NUGGC: variants seen among roughly 807,000 people sequenced by gnomAD.
The protein encoded by NUGGC is nuclear GTPase, germinal center associated, also known as nuclear GTPase SLIP-GC.
In NUGGC, 58 loss-of-function variants were observed where a neutral mutation model predicts 92.6. The ratio of observed to expected loss-of-function variants is 0.63; its 90% CI spans 0.51 to 0.78. The LOEUF (loss-of-function observed/expected upper bound fraction) is 0.78, where lower values mean the gene tolerates loss of function less well. NUGGC is among the 30% of genes least tolerant of loss of function. The pLI is 0.00. For synonymous variants in NUGGC, 376 were observed against 366.4 expected (o/e 1.03, Z -0.30); for missense variants, 925 against 964.6 (o/e 0.96, Z 0.54).
intron 18 of NUGGC, among the ~76,000 whole-genome samples, chr8:28,024,706 C>T (rs2130051164): frequency 6.6e-6 from 1 of 152,246 alleles, no homozygotes; most frequent in Non-Finnish European, 1.5e-5. Context: ...GACTCATGAG[C>T]AGAGGGGAGT....
chr8:28,023,595 T>C (rs987116394), intron 18 of NUGGC, 133 bp from the exon 19 acceptor site: 16 of 873,526 alleles, frequency 1.8e-5, no homozygotes, highest in East Asian at 1.3e-4. Flanking sequence ...AGATCAGACA[T>C]CAAAGCAGGT....
chr8:28,072,675 A>G (rs1314661658), intron 2 of NUGGC, among the ~76,000 whole-genome samples: 1 of 152,174 alleles, frequency 6.6e-6, no homozygotes, highest in Non-Finnish European at 1.5e-5. Flanking sequence ...CTTTTTCTTC[A>G]ATTTCTAAAA....
At chr8:28,035,919 G>C (rs113791445) in intron 13 of NUGGC, among the ~76,000 whole-genome samples, 5,989 of 152,300 alleles carry the variant, frequency 0.039, 413 homozygotes, top group African/African-American at 0.14. Flanking sequence ...GTCTCTCTCT[G>C]TCACCCAGGC....
chr8:28,047,030 G>T (rs558647173), intron 11 of NUGGC, among the ~76,000 whole-genome samples: 3 of 151,680 alleles, frequency 2.0e-5, no homozygotes, highest in Admixed American at 1.3e-4. Context: ...TAGTGCAATG[G>T]CGCAATCTTG....
At chr8:28,070,820 A>G (rs377410401) in intron 2 of NUGGC, among the ~76,000 whole-genome samples, 2 of 148,796 alleles carry the variant, frequency 1.3e-5, no homozygotes, top group South Asian at 2.1e-4. Flanking sequence ...CTTACCAAAA[A>G]TATATATATA....
At chr8:28,041,266 C>A in intron 12 of NUGGC, 51 bp from the exon 13 acceptor site, 1 of 1,544,448 alleles carries the variant, frequency 6.5e-7, no homozygotes, top group South Asian at 1.2e-5. Context: ...CTAAGGGCAC[C>A]TTCTCCTGAA....
chr8:28,049,010 A>T (rs1020014866), intron 10 of NUGGC, among the ~76,000 whole-genome samples: 12 of 152,144 alleles, frequency 7.9e-5, no homozygotes, highest in Non-Finnish European at 1.6e-4. Flanking sequence ...TTAAAAAAAA[A>T]GAGAAAAACA....
At chr8:28,025,777 C>T (rs1294001949) in intron 18 of NUGGC, among the ~76,000 whole-genome samples, 1 of 152,128 alleles carries the variant, frequency 6.6e-6, no homozygotes, top group African/African-American at 2.4e-5. Flanking sequence ...CTACTTTCAC[C>T]CTGGCAAACT....
At chr8:28,078,032 A>G (rs777217015) in intron 1 of NUGGC, among the ~76,000 whole-genome samples, 1 of 152,210 alleles carries the variant, frequency 6.6e-6, no homozygotes, top group Admixed American at 6.5e-5. Flanking sequence ...TACTAAATCA[A>G]CAGTACACAG....
At position 28,033,657 on chromosome 8, in the gene NUGGC, G is replaced by A. The variant is rs773578525; in HGVS notation, c.1652C>T (p.Ala551Val). ...ATAGATGCCATTTTTCAGGCAAACA[G>A]CTTTCAGGGTCTGATGAAAACCTTG... ...GNQGFHQTLK[A>V]VCLKNGIYAS... The change falls in exon 14 of 19, where the codon GCT becomes GTT. Residue 551 changes from alanine (A) to valine (V), a missense_variant. Coordinates refer to ENST00000413272, the MANE Select transcript of NUGGC (RefSeq NM_001010906.2). The A allele has an allele frequency of 1.2e-5, 19 of 1,613,966 alleles. No individual in the cohort carries two copies. In the South Asian group the frequency reaches 2.1e-4, roughly 18 times the overall value.
intron 7 of NUGGC, among the ~76,000 whole-genome samples, chr8:28,063,047 C>T (rs954752835): frequency 2.0e-5 from 3 of 152,054 alleles, no homozygotes; most frequent in South Asian, 2.1e-4. Context: ...CCTCAAGTCA[C>T]GTGACTTCTA....
chr8:28,080,714 A>G (rs997109062), intron 1 of NUGGC, among the ~76,000 whole-genome samples: 9 of 152,202 alleles, frequency 5.9e-5, no homozygotes, highest in Admixed American at 1.3e-4. Flanking sequence ...AGCAGAAATT[A>G]TATTTACTAT....
intron 10 of NUGGC, among the ~76,000 whole-genome samples, chr8:28,052,922 G>A (rs1810042001): frequency 6.6e-6 from 1 of 152,212 alleles, no homozygotes; most frequent in African/African-American, 2.4e-5. Flanking sequence ...TATACTTGAT[G>A]TTAGTGGAAG....
At chr8:28,082,744 A>G (rs1554491632) in intron 1 of NUGGC, among the ~76,000 whole-genome samples, 2 of 150,296 alleles carry the variant, frequency 1.3e-5, no homozygotes, top group African/African-American at 2.4e-5. Flanking sequence ...CATCTCTACA[A>G]TTTTTTTTTT....
intron 1 of NUGGC, among the ~76,000 whole-genome samples, chr8:28,078,251 A>G (rs1303273381): frequency 6.6e-6 from 1 of 152,246 alleles, no homozygotes. Context: ...CCTTTGGCCA[A>G]TGTTCAAAGA....
chr8:28,058,490 C>T (rs1365551811), intron 8 of NUGGC, among the ~76,000 whole-genome samples: 4 of 152,146 alleles, frequency 2.6e-5, no homozygotes, highest in African/African-American at 7.2e-5. Context: ...GTTTTGTCAG[C>T]TGTGAACATT....
At chr8:28,070,937 G>A (rs2130261051) in intron 2 of NUGGC, among the ~76,000 whole-genome samples, 1 of 151,574 alleles carries the variant, frequency 6.6e-6, no homozygotes, top group South Asian at 2.1e-4. Flanking sequence ...GGCTGCAGTG[G>A]GCTATGATTT....
intron 4 of NUGGC, 141 bp downstream of exon 4, chr8:28,069,403 A>G: frequency 1.7e-6 from 1 of 591,932 alleles, no homozygotes; most frequent in East Asian, 2.8e-5. Flanking sequence ...AATGGCAACT[A>G]TCCCATAGCT....
chr8:28,070,866 C>A (rs1039388957), intron 2 of NUGGC, among the ~76,000 whole-genome samples: 21 of 151,454 alleles, frequency 1.4e-4, no homozygotes, highest in Non-Finnish European at 2.4e-4. Context: ...GTGGTGTGCA[C>A]CTGTAGTCCT....
Sources: allele counts gnomAD v4.1 joint callset (sites outside exome capture counted in the v4.1 genomes callset), GRCh38; gene constraint gnomAD v4.1.1; transcripts MANE v1.5; gene names NCBI Gene and HGNC (gene_info 2026-07-23, HGNC 2026-07-21).